EYA4: variants seen among roughly 807,000 people sequenced by gnomAD.
EYA4 encodes EYA transcriptional coactivator and phosphatase 4, also known as protein phosphatase EYA4.
EYA4 carries 31 observed loss-of-function variants against 87.9 expected under a neutral mutation model. The ratio of observed to expected loss-of-function variants is 0.35; its 90% CI spans 0.27 to 0.48. The LOEUF is 0.48. EYA4 is among the 20% of genes least tolerant of loss of function. The probability of loss-of-function intolerance (pLI) is 0.99; values close to 1 mark genes in which losing one functional copy is unlikely to be tolerated. For synonymous variants in EYA4, 263 were observed against 270.6 expected (o/e 0.97, Z 0.28); for missense variants, 678 against 761.4 (o/e 0.89, Z 1.29).
chr6:133,413,193 ACT>A (rs990848081), intron 3 of EYA4, among the ~76,000 whole-genome samples: 3 of 151,526 alleles, frequency 2.0e-5, no homozygotes, highest in African/African-American at 7.3e-5. Flanking sequence ...TTCACAGACA[ACT>A]CTCTTTTATT....
intron 2 of EYA4, among the ~76,000 whole-genome samples, chr6:133,307,248 G>T (rs1211861630): frequency 6.6e-6 from 1 of 152,162 alleles, no homozygotes; most frequent in African/African-American, 2.4e-5. Context: ...GTTTTTAATA[G>T]ATCATGAAAT....
chr6:133,432,228 C>T (rs561906035), intron 3 of EYA4, among the ~76,000 whole-genome samples: 10 of 152,264 alleles, frequency 6.6e-5, no homozygotes, highest in Non-Finnish European at 8.8e-5. Context: ...AGCTGCCAGC[C>T]CCAGTAGACA....
rs184117185 is a variant in EYA4 at position 133,321,276 on chromosome 6, C to A, written c.33+46463C>A. ...GAATCCTATGTAGGACAAATAAATT[C>A]TTGATGTCAAGAATTCTAACTTTAT... On this transcript the variant is annotated intron_variant, in intron 2 of 19. Coordinates refer to ENST00000355286, the MANE Select transcript of EYA4 (RefSeq NM_004100.5). Among the ~76,000 whole-genome samples the A allele has an allele frequency of 3.9e-5, 6 of 152,134 alleles. No individual in the cohort carries two copies. The East Asian group carries it at 7.8e-4, about 20-fold the overall frequency.
intron 5 of EYA4, 22 bp from the exon 6 acceptor site, chr6:133,456,534 A>G (rs1205059121): frequency 1.3e-6 from 2 of 1,511,174 alleles, no homozygotes; most frequent in East Asian, 4.5e-5. Flanking sequence ...TAAAACTCAC[A>G]TGTACTTATT....
At chr6:133,410,122 A>G (rs556691529) in intron 3 of EYA4, among the ~76,000 whole-genome samples, 2 of 152,264 alleles carry the variant, frequency 1.3e-5, no homozygotes, top group South Asian at 2.1e-4. Context: ...GAGATAATAT[A>G]TAGATATATA....
chr6:133,523,068 A>G lies in EYA4; in HGVS notation c.1629A>G (p.Ile543Met), dbSNP rs1375926192. 2 of 1,611,618 alleles carry G rather than the reference A, an allele frequency of 1.2e-6. No individual in the cohort carries two copies. Among genetic ancestry groups the G allele is most frequent in the African/African-American group, 2.7e-5 (2 of 74,846 alleles). Reference protein sequence around the residue: ...LSIISTRSNCINVLVTTTQLI... With the variant: ...LSIISTRSNCMNVLVTTTQLI... The stretch of plus-strand genomic sequence containing the variant: ...CTCCCTATTTTAGGAGTAACTGCAT[A>G]AATGTCTTGGTAACGACAACTCAAC... The change falls in exon 18 of 20, where the codon ATA becomes ATG. Residue 543 changes from isoleucine to methionine, a missense_variant. Transcript: ENST00000355286.
chr6:133,416,798 C>T lies in EYA4; in HGVS notation c.84-29832C>T, dbSNP rs1789753822. Among the ~76,000 whole-genome samples, 4 of 152,234 alleles carry T rather than the reference C, an allele frequency of 2.6e-5. No homozygotes were observed. In the South Asian group the frequency reaches 8.3e-4, roughly 32 times the overall value. On this transcript the variant is annotated intron_variant, in intron 3 of 19. Transcript: ENST00000355286. Reference sequence around the variant, plus strand: ...CATATTCTCTTTGTGTCCCTCTGCTCTTCACATACCTTGACTCACACATGA... The same window carrying T: ...CATATTCTCTTTGTGTCCCTCTGCTTTTCACATACCTTGACTCACACATGA...
intron 11 of EYA4, among the ~76,000 whole-genome samples, chr6:133,477,844 A>AC (rs1795876666): frequency 6.6e-6 from 1 of 151,900 alleles, no homozygotes; most frequent in Admixed American, 6.6e-5. Context: ...GCATATATAT[A>AC]TATACACACA....
At chr6:133,484,968 T>A (rs1446686572) in intron 13 of EYA4, among the ~76,000 whole-genome samples, 1 of 152,178 alleles carries the variant, frequency 6.6e-6, no homozygotes, top group Non-Finnish European at 1.5e-5. Flanking sequence ...AATAGAAAGA[T>A]CATTCGGACC....
intron 2 of EYA4, among the ~76,000 whole-genome samples, chr6:133,311,469 G>A (rs749135398): frequency 1.4e-4 from 22 of 152,068 alleles, no homozygotes; most frequent in Middle Eastern, 3.4e-3. Context: ...GTGACTACGG[G>A]TGTATGCCAG....
chr6:133,380,371 A>T (rs980771604), intron 2 of EYA4, among the ~76,000 whole-genome samples: 2 of 152,210 alleles, frequency 1.3e-5, no homozygotes, highest in African/African-American at 4.8e-5. Context: ...CTACTTTGAG[A>T]ATAAATTAAA....
Position 133,523,072 on chromosome 6 carries a change from G to A in EYA4, c.1633G>A (p.Val545Ile), listed in dbSNP as rs1583560856. Residue 545 changes from valine (V) to isoleucine (I), a missense_variant, in exon 18 of 20, where the codon GTC becomes ATC. By Grantham distance (29) the Val-to-Ile change is conservative. Coordinates refer to ENST00000355286, the MANE Select transcript of EYA4 (RefSeq NM_004100.5). ...IISTRSNCIN[V>I]LVTTTQLIPA... ...CTATTTTAGGAGTAACTGCATAAAT[G>A]TCTTGGTAACGACAACTCAACTGAT... 1.9e-6 allele frequency: 3 copies of A among 1,611,932 alleles called. No individual in the cohort carries two copies. In the South Asian group the frequency reaches 3.3e-5, roughly 18 times the overall value.
intron 3 of EYA4, among the ~76,000 whole-genome samples, chr6:133,384,612 C>T (rs527538612): frequency 1.3e-5 from 2 of 152,266 alleles, no homozygotes; most frequent in Admixed American, 6.5e-5. Flanking sequence ...TTTGCCCAGA[C>T]GTTTTGATAA....
intron 17 of EYA4, among the ~76,000 whole-genome samples, chr6:133,521,275 AC>A (rs1268808990): frequency 1.3e-5 from 2 of 150,180 alleles, no homozygotes; most frequent in African/African-American, 4.9e-5. Flanking sequence ...CAAGAAAAAA[AC>A]AAACAACCCC....
At chr6:133,513,635 C>T (rs1799349571) in intron 16 of EYA4, among the ~76,000 whole-genome samples, 1 of 152,108 alleles carries the variant, frequency 6.6e-6, no homozygotes, top group Non-Finnish European at 1.5e-5. Context: ...TATACCCCTT[C>T]ATATATTTTA....
intron 13 of EYA4, among the ~76,000 whole-genome samples, chr6:133,505,258 A>G (rs955719849): frequency 1.3e-4 from 20 of 152,086 alleles, no homozygotes; most frequent in African/African-American, 3.9e-4. Flanking sequence ...TTTTAGTCTT[A>G]TATCTCTTGA....
At chr6:133,281,601 A>G (rs773646933) in intron 2 of EYA4, among the ~76,000 whole-genome samples, 8 of 150,174 alleles carry the variant, frequency 5.3e-5, no homozygotes, top group Admixed American at 1.3e-4. Flanking sequence ...AATTTTATTG[A>G]GGAAGATTTT....
chr6:133,437,122 T>C (rs1791765277), intron 3 of EYA4, among the ~76,000 whole-genome samples: 1 of 152,322 alleles, frequency 6.6e-6, no homozygotes, highest in East Asian at 1.9e-4. Context: ...TCTGGAAAGA[T>C]GCTAATATTC....
At chr6:133,273,227 G>A (rs1317024503) in intron 1 of EYA4, among the ~76,000 whole-genome samples, 1 of 151,862 alleles carries the variant, frequency 6.6e-6, no homozygotes, top group Non-Finnish European at 1.5e-5. Context: ...TGAAGCACTT[G>A]GAGTCCAGTG....
Sources: allele counts gnomAD v4.1 joint callset (sites outside exome capture counted in the v4.1 genomes callset), GRCh38; gene constraint gnomAD v4.1.1; transcripts MANE v1.5; gene names NCBI Gene and HGNC (gene_info 2026-07-23, HGNC 2026-07-21).